Variants in WNT3A observed in about 807,000 individuals in gnomAD.
The protein encoded by WNT3A is protein Wnt-3a.
Under a neutral mutation model 37.0 loss-of-function variants are expected in WNT3A, and 17 were observed. That is an observed-to-expected ratio of 0.46 (90% CI 0.31 to 0.69). The LOEUF (loss-of-function observed/expected upper bound fraction) is 0.69, where lower values mean the gene tolerates loss of function less well. WNT3A is among the 30% of genes least tolerant of loss of function. The pLI, the probability that WNT3A is intolerant of heterozygous loss-of-function variation, is 0.05. For synonymous variants in WNT3A, 187 were observed against 211.0 expected (o/e 0.89, Z 0.99); for missense variants, 411 against 510.2 (o/e 0.81, Z 1.87).
Position 228,050,618 on chromosome 1 carries a change from T to G in WNT3A, c.314-38T>G, listed in dbSNP as rs1227849308. On this transcript the variant is annotated intron_variant, in intron 2 of 3. Transcript: ENST00000284523. This position sits in a 1 kb window ranked among gnomAD's most constrained non-coding sequence, Gnocchi z 5.0. The stretch of plus-strand genomic sequence containing the variant: ...ACCTGCCCAAGGCGGTCCTTTGAGC[T>G]GAGCCCTGTTAACCCTGCATCTCTC... The G allele has an allele frequency of 6.5e-7, 1 of 1,548,600 alleles. No individual in the cohort carries two copies. The highest frequency in any genetic ancestry group is 8.7e-7 in the Non-Finnish European group (1 of 1,145,304).
intron 3 of WNT3A, among the ~76,000 whole-genome samples, chr1:228,051,498 G>A (rs1256412956): frequency 6.6e-6 from 1 of 152,090 alleles, no homozygotes; most frequent in East Asian, 1.9e-4. Flanking sequence ...ACCTTAGACT[G>A]GATAATTTAT....
At chr1:228,048,191 C>A (rs2031467824) in intron 2 of WNT3A, among the ~76,000 whole-genome samples, 1 of 152,218 alleles carries the variant, frequency 6.6e-6, no homozygotes, top group Admixed American at 6.5e-5. Flanking sequence ...GAACCTCAGG[C>A]CTCCTTCTAT....
chr1:228,020,943 A>C (rs1256992658), intron 1 of WNT3A, among the ~76,000 whole-genome samples: 1 of 152,164 alleles, frequency 6.6e-6, no homozygotes, highest in Non-Finnish European at 1.5e-5. Context: ...GATCCAGTGG[A>C]CACATCGACA....
chr1:228,009,582 G>T (rs1018401963), intron 1 of WNT3A, among the ~76,000 whole-genome samples: 1 of 152,074 alleles, frequency 6.6e-6, no homozygotes, highest in African/African-American at 2.4e-5. Context: ...GGGGTGGGGG[G>T]CCTCCCTGTA....
In WNT3A at chr1:228,059,737, G is replaced by C; in HGVS notation, c.*272G>C. 3 of 1,298,950 alleles carry C rather than the reference G, an allele frequency of 2.3e-6. No individual in the cohort carries two copies. The highest frequency in any genetic ancestry group is 1.9e-6 in the Non-Finnish European group (2 of 1,027,116). 80.5% of individuals were successfully genotyped at this position (1,298,950 alleles called of 1,614,324 possible). A position where few individuals can be genotyped will look rare whatever the true frequency, so the allele number is the denominator to read the frequency against. On this transcript the variant is annotated 3_prime_UTR_variant, in exon 4 of 4. Transcript: ENST00000284523. ...GGCTCTGCGTTGGCTTCTCCCTGGG[G>C]ACGGGGCTCCCCTGGACAGAGGCGG... is the stretch of plus-strand genomic sequence containing the variant.
At chr1:228,040,023 C>T (rs955327355) in intron 2 of WNT3A, among the ~76,000 whole-genome samples, 1 of 152,208 alleles carries the variant, frequency 6.6e-6, no homozygotes, top group African/African-American at 2.4e-5. Flanking sequence ...CCTGTATCAG[C>T]CCCCACAGCC....
chr1:228,049,021 G>A (rs1240854149), intron 2 of WNT3A, among the ~76,000 whole-genome samples: 1 of 152,220 alleles, frequency 6.6e-6, no homozygotes, highest in Non-Finnish European at 1.5e-5. Flanking sequence ...AGGAAGCTGT[G>A]TACAAGGACC....
chr1:228,013,435 G>A (rs1433214185), intron 1 of WNT3A, among the ~76,000 whole-genome samples: 2 of 152,204 alleles, frequency 1.3e-5, no homozygotes, highest in African/African-American at 2.4e-5. Flanking sequence ...AAAACGTGCC[G>A]CTGCCGCCCA....
chr1:228,028,410 C>G (rs1229023368), intron 2 of WNT3A, among the ~76,000 whole-genome samples: 1 of 151,276 alleles, frequency 6.6e-6, no homozygotes, highest in African/African-American at 2.4e-5. Flanking sequence ...CTCCTGGATT[C>G]CCTGCCTCAG....
At position 228,050,697 on chromosome 1, in the gene WNT3A, G is replaced by C; in HGVS notation, c.355G>C (p.Gly119Arg). The change falls in exon 3 of 4, where the codon GGT (glycine) becomes CGT (arginine). Residue 119 changes from glycine (G) to arginine (R), a missense_variant. Physicochemically the swap from Gly to Arg is moderately radical, Grantham distance 125. Transcript: ENST00000284523. The surrounding 1 kb of genome is among the most constrained non-coding windows in gnomAD (Gnocchi z 5.0). ...CTTTGTCCACGCCATTGCCTCAGCC[G>C]GTGTGGCCTTTGCAGTGACACGCTC... The part of the protein sequence containing the change: ...SAFVHAIASA[G>R]VAFAVTRSCA... 6.2e-7 allele frequency: 1 copy of C among 1,613,144 alleles called. No homozygotes were observed. Among genetic ancestry groups the C allele is most frequent in the Non-Finnish European group, 8.5e-7 (1 of 1,179,452 alleles).
intron 3 of WNT3A, among the ~76,000 whole-genome samples, chr1:228,051,766 G>T (rs968934366): frequency 6.6e-6 from 1 of 152,206 alleles, no homozygotes; most frequent in African/African-American, 2.4e-5. Context: ...CACAAGCTTG[G>T]TAACAGCATC....
intron 3 of WNT3A, 114 bp downstream of exon 3, chr1:228,051,035 G>C: frequency 7.5e-7 from 1 of 1,329,910 alleles, no homozygotes; most frequent in Non-Finnish European, 1.0e-6. Flanking sequence ...CCAGGCTGAG[G>C]GTCTTCTCGA....
At position 228,060,078 on chromosome 1, in the gene WNT3A, T is replaced by A. The variant is rs2031770241; in HGVS notation, c.*613T>A. On this transcript the variant is annotated 3_prime_UTR_variant, in exon 4 of 4. Transcript: ENST00000284523. Reference sequence around the variant, plus strand: ...GCTGTGGCTCTGGGTGGGCGTGGCCTGCATAGGCTCCTTCCTGTGGGTGGG... The same window carrying A: ...GCTGTGGCTCTGGGTGGGCGTGGCCAGCATAGGCTCCTTCCTGTGGGTGGG... 1.6e-6 allele frequency: 2 copies of A among 1,218,866 alleles called. No homozygotes were observed. The highest frequency in any genetic ancestry group is 2.9e-5 in the Admixed American group (1 of 34,128). 75.5% of individuals were successfully genotyped at this position (1,218,866 alleles called of 1,614,324 possible). A position where few individuals can be genotyped will look rare whatever the true frequency, so the allele number is the denominator to read the frequency against.
intron 2 of WNT3A, among the ~76,000 whole-genome samples, chr1:228,048,802 C>T (rs543660121): frequency 6.6e-6 from 1 of 152,266 alleles, no homozygotes; most frequent in Non-Finnish European, 1.5e-5. Flanking sequence ...TGCATACACC[C>T]ACCCCCAAGA....
chr1:228,023,024 G>C (rs1397240416), intron 2 of WNT3A, 116 bp downstream of exon 2: 1 of 1,456,142 alleles, frequency 6.9e-7, no homozygotes. Flanking sequence ...TCACGCGGAC[G>C]CTGGGGTCCT....
intron 2 of WNT3A, among the ~76,000 whole-genome samples, chr1:228,049,692 C>A (rs1322609145): frequency 6.6e-6 from 1 of 152,162 alleles, no homozygotes; most frequent in Non-Finnish European, 1.5e-5. Context: ...GCAGCCATCC[C>A]CGTAGGTGTG....
chr1:228,009,068 C>T lies in WNT3A; in HGVS notation c.71+1869C>T, dbSNP rs544055892. 1.6e-4 allele frequency among the ~76,000 whole-genome samples: 24 copies of T among 152,246 alleles called. No individual in the cohort carries two copies. In the East Asian group the frequency reaches 4.7e-3, roughly 30 times the overall value. On this transcript the variant is annotated intron_variant, in intron 1 of 3. Transcript: ENST00000284523. The stretch of plus-strand genomic sequence containing the variant: ...CACACAGGGAAGCGGGGCATAGAAC[C>T]CCACCTGACACTGACCGGGGTGGGT...
chr1:228,059,742 G>A lies in WNT3A; in HGVS notation c.*277G>A, dbSNP rs2031757702. 7.7e-7 allele frequency: 1 copy of A among 1,296,516 alleles called. No homozygotes were observed. Among genetic ancestry groups the A allele is most frequent in the Non-Finnish European group, 9.8e-7 (1 of 1,025,368 alleles). The allele number at this position is 1,296,516 out of a possible 1,614,324, so 80.3% of individuals were successfully genotyped here. ...TGCGTTGGCTTCTCCCTGGGGACGGGGCTCCCCTGGACAGAGGCGGGGCTA... is the reference window on the plus strand; with the variant it reads ...TGCGTTGGCTTCTCCCTGGGGACGGAGCTCCCCTGGACAGAGGCGGGGCTA... On this transcript the variant is annotated 3_prime_UTR_variant, in exon 4 of 4. Coordinates refer to ENST00000284523, the MANE Select transcript of WNT3A (RefSeq NM_033131.4).
Position 228,059,802 on chromosome 1 carries a change from G to T in WNT3A, c.*337G>T, listed in dbSNP as rs1014024304. 1.8e-6 allele frequency: 2 copies of T among 1,128,354 alleles called. No individual in the cohort carries two copies. Among genetic ancestry groups the T allele is most frequent in the African/African-American group, 3.3e-5 (2 of 60,584 alleles). 69.9% of individuals were successfully genotyped at this position (1,128,354 alleles called of 1,614,324 possible). ...CGGGGCTTCTCTTGGGTGGGACAGG[G>T]CTTCTCCTGCGGGGGCGAGGCCCCT... On this transcript the variant is annotated 3_prime_UTR_variant, in exon 4 of 4. Coordinates refer to ENST00000284523, the MANE Select transcript of WNT3A (RefSeq NM_033131.4).
Sources: allele counts gnomAD v4.1 joint callset (sites outside exome capture counted in the v4.1 genomes callset), GRCh38; gene constraint gnomAD v4.1.1; non-coding constraint Gnocchi (gnomAD v3.1); transcripts MANE v1.5; gene names NCBI Gene and HGNC (gene_info 2026-07-23, HGNC 2026-07-21).